Variants in LRMDA observed in about 807,000 individuals in gnomAD.
The protein encoded by LRMDA is leucine rich melanocyte differentiation associated.
In LRMDA, 18 loss-of-function variants were observed where a neutral mutation model predicts 29.8. That is an observed-to-expected ratio of 0.60 (90% confidence interval 0.42 to 0.90). The LOEUF (loss-of-function observed/expected upper bound fraction) is 0.90. Ranked by LOEUF, LRMDA falls within the 40% of genes least tolerant of loss-of-function variation. The probability of loss-of-function intolerance (pLI) is 0.00; values close to 1 mark genes in which losing one functional copy is unlikely to be tolerated. For synonymous variants in LRMDA, 125 were observed against 109.4 expected, an observed-to-expected ratio of 1.14 and a Z score of -0.89; for missense variants, 273 against 273.9, an observed-to-expected ratio of 1.00 and a Z score of 0.02.
intron 5 of LRMDA, among the ~76,000 whole-genome samples, chr10:76,271,869 C>A (rs1158343312): frequency 6.6e-6 from 1 of 152,090 alleles, no homozygotes; most frequent in East Asian, 1.9e-4. Flanking sequence ...TACTTGTGAC[C>A]ATGGGAGAGA....
intron 5 of LRMDA, among the ~76,000 whole-genome samples, chr10:76,280,318 A>G (rs1338640576): frequency 1.3e-5 from 2 of 152,134 alleles, no homozygotes; most frequent in East Asian, 1.9e-4. Context: ...TCTTTTTGCC[A>G]TCTTCCATTT....
intron 2 of LRMDA, among the ~76,000 whole-genome samples, chr10:75,641,776 A>G (rs1841456649): frequency 6.6e-6 from 1 of 152,144 alleles, no homozygotes; most frequent in Non-Finnish European, 1.5e-5. Context: ...TCATTTAAAT[A>G]AATCTACCAG....
rs189920295 is a variant in LRMDA, at chr10:76,477,597, A to G, written c.602-79612A>G. Among the ~76,000 whole-genome samples the G allele has an allele frequency of 8.3e-3, 1,260 of 152,306 alleles. 12 individuals are homozygous for G. Among genetic ancestry groups the G allele is most frequent in the Non-Finnish European group, 0.014 (945 of 68,030 alleles). ...GAAAAAGAGCCCGCATCGCCAAGGCAATCCTAAGCCGAAAGAACAAAGCTG... is the reference window on the plus strand; with the variant it reads ...GAAAAAGAGCCCGCATCGCCAAGGCGATCCTAAGCCGAAAGAACAAAGCTG... On this transcript the variant is annotated intron_variant, in intron 6 of 6. Coordinates refer to ENST00000611255, the MANE Select transcript of LRMDA (RefSeq NM_001305581.2).
chr10:76,071,098 T>C (rs916629873), intron 5 of LRMDA, among the ~76,000 whole-genome samples: 2 of 152,178 alleles, frequency 1.3e-5, no homozygotes, highest in African/African-American at 2.4e-5. Context: ...CTCAACTCTC[T>C]TAATCCTCCT....
intron 2 of LRMDA, among the ~76,000 whole-genome samples, chr10:75,940,844 A>G (rs970821920): frequency 6.6e-6 from 1 of 152,052 alleles, no homozygotes; most frequent in Non-Finnish European, 1.5e-5. Flanking sequence ...GATCTAATAC[A>G]TAGAAATGCT....
intron 2 of LRMDA, chr10:75,451,228 A>G (rs2132031433): frequency 6.6e-6 from 1 of 152,368 alleles, no homozygotes; most frequent in East Asian, 1.9e-4. Context: ...AATCCTGTAG[A>G]TACTGCGTGA....
intron 2 of LRMDA, among the ~76,000 whole-genome samples, chr10:75,797,111 T>C (rs1843666481): frequency 1.3e-5 from 2 of 152,134 alleles, no homozygotes; most frequent in Non-Finnish European, 1.5e-5. Flanking sequence ...GTTTTCTTTG[T>C]AGAAGGTTTT....
chr10:76,490,767 T>A (rs959564781), intron 6 of LRMDA, among the ~76,000 whole-genome samples: 1 of 151,962 alleles, frequency 6.6e-6, no homozygotes, highest in Non-Finnish European at 1.5e-5. Context: ...ATTCAGTCCA[T>A]TTACATGTAT....
At chr10:76,358,498 C>T (rs567723435) in intron 6 of LRMDA, among the ~76,000 whole-genome samples, 2 of 152,176 alleles carry the variant, frequency 1.3e-5, no homozygotes, top group Non-Finnish European at 2.9e-5. Context: ...ATGGTTTTCT[C>T]ACCTGAATAT....
intron 5 of LRMDA, among the ~76,000 whole-genome samples, chr10:76,304,787 T>C (rs1448458279): frequency 6.6e-6 from 1 of 151,940 alleles, no homozygotes; most frequent in Non-Finnish European, 1.5e-5. Flanking sequence ...AGGCAAAGCA[T>C]GTTGGGAGGG....
chr10:76,026,212 T>C (rs1045930253), intron 2 of LRMDA, among the ~76,000 whole-genome samples: 2 of 152,230 alleles, frequency 1.3e-5, no homozygotes, highest in Non-Finnish European at 2.9e-5. Flanking sequence ...ATGAATGGGT[T>C]ACAAAGCTAC....
intron 6 of LRMDA, among the ~76,000 whole-genome samples, chr10:76,351,907 C>T (rs891310882): frequency 6.6e-6 from 1 of 152,044 alleles, no homozygotes; most frequent in African/African-American, 2.4e-5. Context: ...AGGTGGGTGC[C>T]AGTACCTCTA....
intron 6 of LRMDA, among the ~76,000 whole-genome samples, chr10:76,508,097 T>C (rs569566402): frequency 3.2e-4 from 49 of 152,318 alleles, no homozygotes; most frequent in African/African-American, 1.2e-3. Flanking sequence ...CAGAATAGCA[T>C]ACTGCATCCT....
chr10:76,552,011 G>T (rs1426887506), intron 6 of LRMDA, among the ~76,000 whole-genome samples: 1 of 152,178 alleles, frequency 6.6e-6, no homozygotes, highest in Non-Finnish European at 1.5e-5. Context: ...ATGGGATCAA[G>T]ATATGTTTGT....
At chr10:75,984,626 A>G (rs1281095103) in intron 2 of LRMDA, among the ~76,000 whole-genome samples, 2 of 152,236 alleles carry the variant, frequency 1.3e-5, no homozygotes, top group Non-Finnish European at 2.9e-5. Flanking sequence ...GCATCATCCT[A>G]CATAAGATCA....
At chr10:75,538,861 T>C (rs2132047540) in intron 2 of LRMDA, among the ~76,000 whole-genome samples, 1 of 152,318 alleles carries the variant, frequency 6.6e-6, no homozygotes, top group Non-Finnish European at 1.5e-5. Context: ...AATGACCTTC[T>C]GCTAGCCTCA....
intron 2 of LRMDA, among the ~76,000 whole-genome samples, chr10:75,736,401 C>G (rs932828213): frequency 6.6e-6 from 1 of 152,100 alleles, no homozygotes; most frequent in South Asian, 2.1e-4. Context: ...TGGGAACAAT[C>G]TGGAAGGAGT....
intron 2 of LRMDA, among the ~76,000 whole-genome samples, chr10:75,750,561 CG>C (rs1408938215): frequency 2.7e-5 from 3 of 112,530 alleles, no homozygotes; most frequent in Non-Finnish European, 5.4e-5. Context: ...TCTCAGAGGA[CG>C]GGCGGCCAGG....
At chr10:75,877,519 C>A (rs902884166) in intron 2 of LRMDA, among the ~76,000 whole-genome samples, 1 of 152,202 alleles carries the variant, frequency 6.6e-6, no homozygotes, top group Admixed American at 6.5e-5. Context: ...TAGCTCCACA[C>A]CTAATGCAGT....
Sources: gnomAD v4.1 joint callset for allele counts (sites outside exome capture counted in the v4.1 genomes callset) on GRCh38, gnomAD v4.1.1 for gene constraint, MANE v1.5 for transcripts, NCBI Gene and HGNC (gene_info 2026-07-23, HGNC 2026-07-21) for gene names.